Variants in FARP1 observed in about 807,000 individuals in gnomAD.
The protein encoded by FARP1 is FERM, ARH/RhoGEF and pleckstrin domain protein 1, also known as FERM, ARHGEF and pleckstrin domain-containing protein 1.
Under a neutral mutation model 128.8 loss-of-function variants are expected in FARP1, and 52 were observed. That is an observed-to-expected ratio of 0.40 (90% CI 0.32 to 0.51). FARP1 has a LOEUF of 0.51. Among genes scored for constraint, FARP1 ranks in the 20% least tolerant of loss-of-function variants. FARP1 has a pLI of 0.45. For missense variants in FARP1, 1,333 were observed against 1,367.9 expected, an observed-to-expected ratio of 0.97 and a Z score of 0.40; for synonymous variants, 580 against 551.8, an observed-to-expected ratio of 1.05 and a Z score of -0.72.
At chr13:98,156,865 G>A (rs76681372) in intron 1 of FARP1, among the ~76,000 whole-genome samples, 2,207 of 152,302 alleles carry the variant, frequency 0.014, 44 homozygotes, top group African/African-American at 0.049. Context: ...GGCCTAGAAT[G>A]TATACATGTT....
rs549350428 is a variant in FARP1 at position 98,372,218 on chromosome 13, C to G, written c.398+4023C>G. On this transcript the variant is annotated intron_variant, in intron 5 of 26. Coordinates refer to ENST00000319562, the MANE Select transcript of FARP1 (RefSeq NM_005766.4). ...TCTTCTGCATCAGCCTCCCAAGTAG[C>G]TGAGACTACAGGCACGTGCCACCAC... 9.4e-4 allele frequency among the ~76,000 whole-genome samples: 143 copies of G among 151,984 alleles called. 3 individuals are homozygous for G. Among genetic ancestry groups the G allele is most frequent in the Middle Eastern group, 6.8e-3 (2 of 294 alleles).
intron 2 of FARP1, among the ~76,000 whole-genome samples, chr13:98,273,821 T>C (rs1237132563): frequency 6.6e-6 from 1 of 152,134 alleles, no homozygotes; most frequent in Non-Finnish European, 1.5e-5. Flanking sequence ...AAGTTCAAGG[T>C]CACACAGTAG....
chr13:98,284,158 A>G (rs548937587), intron 2 of FARP1, among the ~76,000 whole-genome samples: 19 of 152,248 alleles, frequency 1.2e-4, no homozygotes, highest in African/African-American at 4.3e-4. Flanking sequence ...AAGTGTTCTT[A>G]AAACATTATG....
intron 2 of FARP1, among the ~76,000 whole-genome samples, chr13:98,341,238 G>A (rs535950743): frequency 6.6e-6 from 1 of 152,046 alleles, no homozygotes. Flanking sequence ...ATGTCCATCC[G>A]TGTACTTGGC....
chr13:98,377,404 G>T (rs2140008219), intron 5 of FARP1, among the ~76,000 whole-genome samples: 2 of 146,842 alleles, frequency 1.4e-5, no homozygotes. Flanking sequence ...ACGCCCCCTT[G>T]TTTTTCTCAT....
chr13:98,383,418 T>C (rs1165670588), intron 6 of FARP1, among the ~76,000 whole-genome samples: 1 of 152,184 alleles, frequency 6.6e-6, no homozygotes, highest in Non-Finnish European at 1.5e-5. Flanking sequence ...GTTCTTCCAG[T>C]GCACCGGCTG....
intron 1 of FARP1, chr13:98,159,352 A>G (rs1229924583): frequency 6.6e-6 from 1 of 152,232 alleles, no homozygotes; most frequent in African/African-American, 2.4e-5. Context: ...CTTGTAGTAC[A>G]GGTGTCCCTG....
Position 98,256,955 on chromosome 13 carries a change from A to ATATATATATATATATATG in FARP1, c.171+43559_171+43560insGTATATATATATATATAT, listed in dbSNP as rs1566801056. 2.3e-4 allele frequency among the ~76,000 whole-genome samples: 16 copies of ATATATATATATATATATG among 68,958 alleles called. 1 individual carries two copies. The highest frequency in any genetic ancestry group is 4.1e-4 in the Non-Finnish European group (16 of 38,892). 45.2% of individuals were successfully genotyped at this position (68,958 alleles called of 152,430 possible). On this transcript the variant is annotated intron_variant, in intron 2 of 26. Coordinates refer to ENST00000319562, the MANE Select transcript of FARP1 (RefSeq NM_005766.4). ...TTTCAAAGTATATATGTGGATATAT[A>ATATATATATATATATATG]TATATATATATATATATATATATAT...
At chr13:98,263,995 A>G (rs547022280) in intron 2 of FARP1, among the ~76,000 whole-genome samples, 3 of 152,270 alleles carry the variant, frequency 2.0e-5, no homozygotes, top group South Asian at 2.1e-4. Flanking sequence ...ATCACCTTCC[A>G]TTGTCATTGA....
intron 1 of FARP1, among the ~76,000 whole-genome samples, chr13:98,180,179 G>A (rs531198532): frequency 3.4e-4 from 52 of 152,260 alleles, no homozygotes; most frequent in Non-Finnish European, 5.6e-4. Context: ...GCAGCATGGC[G>A]TTGGTATCTG....
chr13:98,395,646 T>G, intron 13 of FARP1, 170 bp downstream of exon 13: 2 of 790,538 alleles, frequency 2.5e-6, no homozygotes, highest in Non-Finnish European at 3.8e-6. Flanking sequence ...TGACCAGCGG[T>G]GTCTATCTGC....
In FARP1 at chr13:98,378,912, A is replaced by C. The variant is rs1454955779; in HGVS notation, c.496+994A>C. On this transcript the variant is annotated intron_variant, in intron 6 of 26. Coordinates refer to ENST00000319562, the MANE Select transcript of FARP1 (RefSeq NM_005766.4). Reference sequence around the variant, plus strand: ...CCAGCACTATATATATATATATAATATATATATAATATATACAATATATAA... The same window carrying C: ...CCAGCACTATATATATATATATAATCTATATATAATATATACAATATATAA... Among the ~76,000 whole-genome samples the C allele has an allele frequency of 9.1e-5, 11 of 120,390 alleles. 3 individuals are homozygous for C. The highest frequency in any genetic ancestry group is 2.3e-4 in the South Asian group (1 of 4,324). The allele number at this position is 120,390 out of a possible 152,430, so 79.0% of individuals were successfully genotyped here. A position where few individuals can be genotyped will look rare whatever the true frequency, so the allele number is the denominator to read the frequency against.
chr13:98,351,382 G>A (rs946546412), intron 3 of FARP1, among the ~76,000 whole-genome samples: 1 of 152,160 alleles, frequency 6.6e-6, no homozygotes, highest in Non-Finnish European at 1.5e-5. Flanking sequence ...CGAGGCCGAG[G>A]CAGGCAGATC....
chr13:98,290,935 T>G (rs1270638574), intron 2 of FARP1, among the ~76,000 whole-genome samples: 2 of 152,196 alleles, frequency 1.3e-5, no homozygotes, highest in African/African-American at 4.8e-5. Context: ...GATACTTTCT[T>G]TGCTCCATAT....
intron 9 of FARP1, 120 bp downstream of exon 9, chr13:98,388,598 C>A: frequency 1.4e-6 from 1 of 730,586 alleles, no homozygotes; most frequent in South Asian, 1.5e-5. Context: ...TACCCAGGTG[C>A]TTTTGTCCAC....
intron 2 of FARP1, among the ~76,000 whole-genome samples, chr13:98,255,094 G>A (rs565152498): frequency 6.6e-6 from 1 of 152,316 alleles, no homozygotes; most frequent in East Asian, 1.9e-4. Context: ...AGTAGGGAGG[G>A]AGGTCTCTTT....
chr13:98,429,238 C>A (rs937746010), intron 17 of FARP1, among the ~76,000 whole-genome samples: 1 of 152,170 alleles, frequency 6.6e-6, no homozygotes, highest in Non-Finnish European at 1.5e-5. Flanking sequence ...CCCGGAGTAA[C>A]CCCGAGGGAT....
intron 2 of FARP1, among the ~76,000 whole-genome samples, chr13:98,258,387 A>G (rs1193576240): frequency 6.6e-6 from 1 of 152,262 alleles, no homozygotes; most frequent in East Asian, 1.9e-4. Flanking sequence ...AAGAATATTT[A>G]GAGTTTATGC....
intron 1 of FARP1, among the ~76,000 whole-genome samples, chr13:98,179,752 A>G (rs1053338291): frequency 3.9e-5 from 6 of 151,992 alleles, no homozygotes; most frequent in Admixed American, 2.0e-4. Context: ...AGCTACTCGG[A>G]AGGCTGAGGC....
Sources: gnomAD v4.1 joint callset for allele counts (sites outside exome capture counted in the v4.1 genomes callset) on GRCh38, gnomAD v4.1.1 for gene constraint, MANE v1.5 for transcripts, NCBI Gene and HGNC (gene_info 2026-07-23, HGNC 2026-07-21) for gene names.